The following MEGF11 variants were observed in gnomAD, a reference collection of about 807,000 sequenced individuals.
MEGF11 encodes the protein multiple epidermal growth factor-like domains protein 11.
MEGF11 carries 126 observed loss-of-function variants against 146.6 expected under a neutral mutation model. The ratio of observed to expected loss-of-function variants is 0.86; its 90% CI spans 0.74 to 1.00. The LOEUF (loss-of-function observed/expected upper bound fraction) is 1.00, where lower values mean the gene tolerates loss of function less well. MEGF11 is among the 50% of genes least tolerant of loss of function. The pLI is 0.00. For synonymous variants in MEGF11, 532 were observed against 583.4 expected, an observed-to-expected ratio of 0.91 and a Z score of 1.27; for missense variants, 1,509 against 1,521.2, an observed-to-expected ratio of 0.99 and a Z score of 0.13.
intron 1 of MEGF11, among the ~76,000 whole-genome samples, chr15:66,180,541 A>G (rs530759255): frequency 6.6e-6 from 1 of 152,294 alleles, no homozygotes; most frequent in South Asian, 2.1e-4. Context: ...AGTGGCTTGT[A>G]GTTTCCTTTT....
chr15:66,113,686 G>A (rs923610797), intron 4 of MEGF11, among the ~76,000 whole-genome samples: 10 of 152,148 alleles, frequency 6.6e-5, no homozygotes, highest in Non-Finnish European at 1.5e-4. Flanking sequence ...GAGGTCAGGA[G>A]ATCGAGACCA....
chr15:65,964,893 A>G lies in MEGF11; in HGVS notation c.1112+15T>C, dbSNP rs1342162118. 2.7e-6 allele frequency: 4 copies of G among 1,465,372 alleles called. No homozygotes were observed. Among genetic ancestry groups the G allele is most frequent in the Non-Finnish European group, 3.6e-6 (4 of 1,102,986 alleles). 90.8% of individuals were successfully genotyped at this position (1,465,372 alleles called of 1,614,324 possible). A position where few individuals can be genotyped will look rare whatever the true frequency, so the allele number is the denominator to read the frequency against. ...CCCCGCCCTTGTCCCGGGCTCGCCC[A>G]TTCCCAGCTCATACCTGATGGTGTT... On this transcript the variant is annotated intron_variant, in intron 9 of 25. Transcript: ENST00000395614.
chr15:66,237,034 C>A (rs1025291489), intron 1 of MEGF11, among the ~76,000 whole-genome samples: 1 of 152,192 alleles, frequency 6.6e-6, no homozygotes, highest in Non-Finnish European at 1.5e-5. Flanking sequence ...CATCCAGGCA[C>A]CCCGGGCTGT....
intron 4 of MEGF11, 117 bp from the exon 5 acceptor site, chr15:66,094,611 C>A: frequency 2.5e-6 from 2 of 808,436 alleles, no homozygotes; most frequent in Non-Finnish European, 4.0e-6. Flanking sequence ...ATGCTTAGAA[C>A]GCATGACTGG....
At chr15:66,156,563 C>T (rs1345533294) in intron 1 of MEGF11, among the ~76,000 whole-genome samples, 3 of 152,032 alleles carry the variant, frequency 2.0e-5, no homozygotes, top group African/African-American at 7.2e-5. Context: ...GCCCGGCCCC[C>T]GAGAGGAGGG....
intron 4 of MEGF11, among the ~76,000 whole-genome samples, chr15:66,118,142 G>A (rs528621014): frequency 1.4e-3 from 215 of 152,254 alleles, no homozygotes; most frequent in Non-Finnish European, 2.4e-3. Flanking sequence ...GTCATTAAAC[G>A]AGGGCCTCCC....
At chr15:66,214,275 T>C (rs2091533413) in intron 1 of MEGF11, among the ~76,000 whole-genome samples, 1 of 152,028 alleles carries the variant, frequency 6.6e-6, no homozygotes, top group African/African-American at 2.4e-5. Context: ...CCTCAGGTGG[T>C]CTGCGCCTCA....
At chr15:66,023,702 A>C (rs1183673185) in intron 5 of MEGF11, among the ~76,000 whole-genome samples, 1 of 152,200 alleles carries the variant, frequency 6.6e-6, no homozygotes, top group Non-Finnish European at 1.5e-5. Context: ...AAAGCCACTG[A>C]ATCAATGGGC....
intron 1 of MEGF11, among the ~76,000 whole-genome samples, chr15:66,187,542 C>G (rs942110940): frequency 3.3e-5 from 5 of 152,252 alleles, no homozygotes; most frequent in African/African-American, 1.2e-4. Flanking sequence ...ACCCCCACCT[C>G]TCATTCCAGC....
intron 1 of MEGF11, among the ~76,000 whole-genome samples, chr15:66,152,148 G>A (rs1462954853): frequency 1.3e-5 from 2 of 151,974 alleles, no homozygotes; most frequent in Non-Finnish European, 2.9e-5. Context: ...GGCACTGCCA[G>A]CTTCTCCAGG....
intron 8 of MEGF11, among the ~76,000 whole-genome samples, chr15:65,968,348 G>A (rs1470185307): frequency 1.3e-5 from 2 of 152,078 alleles, no homozygotes; most frequent in Admixed American, 6.6e-5. Context: ...CTCAAATGTC[G>A]GGTGAAAAAC....
Position 65,913,898 on chromosome 15 carries a change from C to A in MEGF11, c.2549G>T (p.Gly850Val). The A allele has an allele frequency of 1.2e-6, 2 of 1,613,906 alleles. No homozygotes were observed. The highest frequency in any genetic ancestry group is 1.7e-6 in the Non-Finnish European group (2 of 1,179,874). ...CAGGAGCATGATGCCTGTGACAGCA[C>A]CCACCGAGTGCCGCTCTGCACCCAG... ...PALGAERHSV[G>V]AVTGIMLLLF... The change falls in exon 20 of 26, where the codon GGT becomes GTT. Residue 850 changes from glycine to valine, a missense_variant. Gly to Val is a moderately radical substitution (Grantham distance 109). Transcript: ENST00000395614.
chr15:65,923,095 G>T, intron 13 of MEGF11, 126 bp from the exon 14 acceptor site: 1 of 1,025,772 alleles, frequency 9.7e-7, no homozygotes, highest in South Asian at 1.6e-5. Context: ...GAATGTAGAG[G>T]AGAAACCCGG....
At chr15:65,927,713 G>C (rs1052899599) in intron 13 of MEGF11, among the ~76,000 whole-genome samples, 3 of 152,230 alleles carry the variant, frequency 2.0e-5, no homozygotes, top group Non-Finnish European at 2.9e-5. Flanking sequence ...CTGGAGTCAG[G>C]AAGGTGGTTG....
intron 5 of MEGF11, among the ~76,000 whole-genome samples, chr15:66,006,846 C>T (rs1308119673): frequency 5.9e-5 from 9 of 152,178 alleles, no homozygotes; most frequent in African/African-American, 1.4e-4. Context: ...GAAAGGGAAG[C>T]GTGCACATGT....
chr15:65,983,070 C>T (rs1161864841), intron 5 of MEGF11, among the ~76,000 whole-genome samples: 1 of 152,188 alleles, frequency 6.6e-6, no homozygotes, highest in African/African-American at 2.4e-5. Context: ...CTCTAACTCC[C>T]TGCCCCTCCC....
intron 1 of MEGF11, among the ~76,000 whole-genome samples, chr15:66,135,598 G>A (rs1275296014): frequency 1.3e-5 from 2 of 152,180 alleles, no homozygotes; most frequent in South Asian, 2.1e-4. Flanking sequence ...GAAATCAGAG[G>A]CCTTTGCAGG....
chr15:65,914,926 A>G (rs996087076), intron 19 of MEGF11, among the ~76,000 whole-genome samples: 1 of 152,148 alleles, frequency 6.6e-6, no homozygotes, highest in Non-Finnish European at 1.5e-5. Flanking sequence ...TCTTACTCAT[A>G]CTGTCTCAAC....
intron 5 of MEGF11, among the ~76,000 whole-genome samples, chr15:65,986,737 T>C (rs1232317958): frequency 6.6e-6 from 1 of 152,090 alleles, no homozygotes; most frequent in African/African-American, 2.4e-5. Context: ...CACACATTTC[T>C]TTTTTTCTGT....
Sources: gnomAD v4.1 joint callset for allele counts (sites outside exome capture counted in the v4.1 genomes callset) on GRCh38, gnomAD v4.1.1 for gene constraint, MANE v1.5 for transcripts, NCBI Gene and HGNC (gene_info 2026-07-23, HGNC 2026-07-21) for gene names.